Variants in LRMDA observed in about 807,000 individuals in gnomAD.
The protein encoded by LRMDA is leucine rich melanocyte differentiation associated, also known as leucine-rich melanocyte differentiation-associated protein.
Under a neutral mutation model 29.8 loss-of-function variants are expected in LRMDA, and 18 were observed. That is an observed-to-expected ratio of 0.60 (90% CI 0.42 to 0.90). The LOEUF (loss-of-function observed/expected upper bound fraction) is 0.90. LRMDA is among the 40% of genes least tolerant of loss of function. The probability of loss-of-function intolerance (pLI) is 0.00; values close to 1 mark genes in which losing one functional copy is unlikely to be tolerated. For missense variants in LRMDA, 273 were observed against 273.9 expected, an observed-to-expected ratio of 1.00 and a Z score of 0.02; for synonymous variants, 125 against 109.4, an observed-to-expected ratio of 1.14 and a Z score of -0.89.
chr10:76,266,127 G>A (rs1840003872), intron 5 of LRMDA, among the ~76,000 whole-genome samples: 1 of 152,168 alleles, frequency 6.6e-6, no homozygotes, highest in African/African-American at 2.4e-5. Flanking sequence ...TTACCTCATA[G>A]AGTTGTTGGG....
intron 5 of LRMDA, among the ~76,000 whole-genome samples, chr10:76,212,236 A>AACACACAC (rs35344389): frequency 0.012 from 1,654 of 142,866 alleles, 14 homozygotes; most frequent in Middle Eastern, 0.029. Context: ...TGAAAATTAA[A>AACACACAC]ACACACACAC....
chr10:76,206,741 C>G (rs1290413662), intron 5 of LRMDA, among the ~76,000 whole-genome samples: 1 of 152,168 alleles, frequency 6.6e-6, no homozygotes, highest in Non-Finnish European at 1.5e-5. Context: ...ATGGGACTAT[C>G]CAGTAACCAC....
chr10:76,147,140 G>A (rs1472763374), intron 5 of LRMDA, among the ~76,000 whole-genome samples: 1 of 152,100 alleles, frequency 6.6e-6, no homozygotes, highest in Non-Finnish European at 1.5e-5. Context: ...TTTCAACTTT[G>A]GTGAATCTGA....
chr10:76,032,393 G>A (rs966611053), intron 2 of LRMDA, among the ~76,000 whole-genome samples: 6 of 152,228 alleles, frequency 3.9e-5, no homozygotes, highest in African/African-American at 9.6e-5. Flanking sequence ...AGCCACAGGC[G>A]ATGATGTTGG....
At chr10:75,737,018 G>A (rs553380282) in intron 2 of LRMDA, among the ~76,000 whole-genome samples, 2 of 152,086 alleles carry the variant, frequency 1.3e-5, no homozygotes, top group African/African-American at 4.8e-5. Context: ...AGAACCCCAT[G>A]TTGTCTCCCT....
intron 2 of LRMDA, among the ~76,000 whole-genome samples, chr10:75,732,162 G>A (rs977937015): frequency 2.6e-5 from 4 of 152,094 alleles, no homozygotes; most frequent in Admixed American, 1.3e-4. Flanking sequence ...AATGCATCAG[G>A]GGGATTTGCT....
intron 2 of LRMDA, among the ~76,000 whole-genome samples, chr10:75,825,952 A>G (rs1844240903): frequency 6.6e-6 from 1 of 152,206 alleles, no homozygotes; most frequent in Admixed American, 6.5e-5. Context: ...AAGTCAAGAC[A>G]AATAGAGGTG....
At position 76,498,202 on chromosome 10, in the gene LRMDA, T is replaced by C. The variant is rs1335446508; in HGVS notation, c.602-59007T>C. Among the ~76,000 whole-genome samples the C allele has an allele frequency of 4.0e-5, 3 of 75,540 alleles. 1 individual carries two copies. The highest frequency in any genetic ancestry group is 9.7e-5 in the African/African-American group (3 of 31,072). 49.6% of individuals were successfully genotyped at this position (75,540 alleles called of 152,430 possible). A position where few individuals can be genotyped will look rare whatever the true frequency, so the allele number is the denominator to read the frequency against. Reference sequence around the variant, plus strand: ...CACCTGTGCTAAGCATTCAGCATTGTTTTCTTTGGCTTTGCTTCATTCACG... The same window carrying C: ...CACCTGTGCTAAGCATTCAGCATTGCTTTCTTTGGCTTTGCTTCATTCACG... On this transcript the variant is annotated intron_variant, in intron 6 of 6. Coordinates refer to ENST00000611255, the MANE Select transcript of LRMDA (RefSeq NM_001305581.2).
chr10:76,247,352 C>T (rs546954094), intron 5 of LRMDA, among the ~76,000 whole-genome samples: 28 of 152,134 alleles, frequency 1.8e-4, no homozygotes, highest in Non-Finnish European at 3.7e-4. Context: ...ACATCCTTAA[C>T]ATTGGGCGAG....
intron 6 of LRMDA, among the ~76,000 whole-genome samples, chr10:76,389,515 G>A (rs2132481721): frequency 6.6e-6 from 1 of 152,216 alleles, no homozygotes; most frequent in South Asian, 2.1e-4. Context: ...ATTTTTAAGT[G>A]TACAGTTCAG....
At chr10:76,390,249 A>G (rs1002257709) in intron 6 of LRMDA, among the ~76,000 whole-genome samples, 12 of 152,034 alleles carry the variant, frequency 7.9e-5, no homozygotes, top group Admixed American at 3.9e-4. Flanking sequence ...GCCTTTCCCC[A>G]TCTTTTCATG....
At chr10:75,569,975 A>G (rs2132069305) in intron 2 of LRMDA, among the ~76,000 whole-genome samples, 1 of 152,384 alleles carries the variant, frequency 6.6e-6, no homozygotes, top group South Asian at 2.1e-4. Context: ...AAGTAAGCAG[A>G]TAACCCACAG....
At chr10:76,476,688 A>T (rs922198764) in intron 6 of LRMDA, among the ~76,000 whole-genome samples, 1 of 152,128 alleles carries the variant, frequency 6.6e-6, no homozygotes, top group Non-Finnish European at 1.5e-5. Flanking sequence ...AGCACATCAA[A>T]AACCTTATCC....
intron 2 of LRMDA, among the ~76,000 whole-genome samples, chr10:75,674,508 T>C (rs750984562): frequency 6.6e-5 from 10 of 152,080 alleles, no homozygotes; most frequent in African/African-American, 2.4e-4. Context: ...TAGAAGAGAA[T>C]ATTATCGCTC....
chr10:75,736,645 T>A (rs1301231644), intron 2 of LRMDA, among the ~76,000 whole-genome samples: 1 of 152,192 alleles, frequency 6.6e-6, no homozygotes, highest in African/African-American at 2.4e-5. Context: ...CAATTGAATT[T>A]ACAGAAACAA....
intron 2 of LRMDA, among the ~76,000 whole-genome samples, chr10:76,019,672 T>C (rs1360253570): frequency 3.3e-5 from 5 of 152,214 alleles, no homozygotes; most frequent in South Asian, 2.1e-4. Context: ...TCATTCTTTA[T>C]TGACAGTGTT....
chr10:75,721,617 C>T (rs576341434), intron 2 of LRMDA, among the ~76,000 whole-genome samples: 28 of 152,226 alleles, frequency 1.8e-4, no homozygotes, highest in South Asian at 6.2e-4. Context: ...GCAGCCCTGC[C>T]GAGGTGCTGG....
chr10:76,379,543 T>A (rs1373060038), intron 6 of LRMDA, among the ~76,000 whole-genome samples: 1 of 152,152 alleles, frequency 6.6e-6, no homozygotes, highest in South Asian at 2.1e-4. Flanking sequence ...GCTTTTGTAT[T>A]TCTGTGGTTT....
chr10:75,670,699 G>A (rs1841880896), intron 2 of LRMDA, among the ~76,000 whole-genome samples: 1 of 152,168 alleles, frequency 6.6e-6, no homozygotes, highest in African/African-American at 2.4e-5. Context: ...CTTAGCCTGG[G>A]CTTGTATTGT....
Sources: allele counts gnomAD v4.1 joint callset (sites outside exome capture counted in the v4.1 genomes callset), GRCh38; gene constraint gnomAD v4.1.1; transcripts MANE v1.5; gene names NCBI Gene and HGNC (gene_info 2026-07-23, HGNC 2026-07-21).